AGAP1: variants seen among roughly 807,000 people sequenced by gnomAD.
AGAP1 encodes arf-GAP with GTPase, ANK repeat and PH domain-containing protein 1.
In AGAP1, 29 loss-of-function variants were observed where a neutral mutation model predicts 105.3. That is an observed-to-expected ratio of 0.28 (90% CI 0.21 to 0.38). The LOEUF (loss-of-function observed/expected upper bound fraction) is 0.38. Among genes scored for constraint, AGAP1 ranks in the 10% least tolerant of loss-of-function variants. AGAP1 has a pLI of 1.00. For missense variants in AGAP1, 998 were observed against 1,165.1 expected (o/e 0.86, Z 2.09); for synonymous variants, 509 against 485.9 (o/e 1.05, Z -0.63).
rs1415979193 is a variant in AGAP1 at position 235,874,360 on chromosome 2, T to C, written c.1051-8985T>C. On this transcript the variant is annotated intron_variant, in intron 9 of 17. Coordinates refer to ENST00000304032, the MANE Select transcript of AGAP1 (RefSeq NM_001037131.3). This position sits in a 1 kb window ranked among gnomAD's most constrained non-coding sequence, Gnocchi z 4.5. Reference sequence around the variant, plus strand: ...CACTGTGCCCGGCCCAGAACCACATTCTTGAGCTGAGCTCCCGAGGGTACC... The same window carrying C: ...CACTGTGCCCGGCCCAGAACCACATCCTTGAGCTGAGCTCCCGAGGGTACC... Among the ~76,000 whole-genome samples, 1 of 152,204 alleles carries C rather than the reference T, an allele frequency of 6.6e-6. No homozygotes were observed. The highest frequency in any genetic ancestry group is 1.5e-5 in the Non-Finnish European group (1 of 68,034).
intron 13 of AGAP1, among the ~76,000 whole-genome samples, chr2:236,004,289 T>C (rs6742512): frequency 0.99 from 150,615 of 152,220 alleles, 74,519 homozygotes; most frequent in East Asian, 1. Flanking sequence ...TGACCCAAGT[T>C]TCCAGCTTTA....
rs1184837636 is a variant in AGAP1 at position 235,506,149 on chromosome 2, T to C, written c.163+11300T>C. 3.3e-5 allele frequency among the ~76,000 whole-genome samples: 5 copies of C among 152,010 alleles called. No homozygotes were observed. In the South Asian group the frequency reaches 8.3e-4, roughly 25 times the overall value. ...TTTCACCACGTTGGCCAGGCCGGTC[T>C]CAAACTCCTGACCTCAGGTGATCTA... On this transcript the variant is annotated intron_variant, in intron 1 of 17. Transcript: ENST00000304032.
intron 1 of AGAP1, among the ~76,000 whole-genome samples, chr2:235,532,378 A>G (rs1943073199): frequency 6.6e-6 from 1 of 152,144 alleles, no homozygotes; most frequent in Non-Finnish European, 1.5e-5. Context: ...CATCACACCT[A>G]GCTAATTTTT....
intron 5 of AGAP1, among the ~76,000 whole-genome samples, chr2:235,745,048 C>T (rs1952818709): frequency 1.3e-5 from 2 of 152,004 alleles, no homozygotes; most frequent in Admixed American, 6.6e-5. Context: ...AAACAACACA[C>T]ACACACATAT....
chr2:235,637,098 CTT>C (rs955167206), intron 1 of AGAP1, among the ~76,000 whole-genome samples: 1 of 152,130 alleles, frequency 6.6e-6, no homozygotes, highest in African/African-American at 2.4e-5. Context: ...GATTGTGGCA[CTT>C]TGTTAGAGCA....
chr2:235,904,866 T>C lies in AGAP1; in HGVS notation c.1156-3872T>C, dbSNP rs981325131. 3.3e-5 allele frequency among the ~76,000 whole-genome samples: 5 copies of C among 152,242 alleles called. No homozygotes were observed. The highest frequency in any genetic ancestry group is 4.4e-5 in the Non-Finnish European group (3 of 68,038). On this transcript the variant is annotated intron_variant, in intron 10 of 17. Transcript: ENST00000304032. This position sits in a 1 kb window ranked among gnomAD's most constrained non-coding sequence, Gnocchi z 4.2. ...TATCTCCCACCTGTGTGTGAAGCGC[T>C]GAGTCGGAGGGCTTTTATTGAGTAG...
At chr2:235,812,360 T>G (rs1218829679) in intron 9 of AGAP1, among the ~76,000 whole-genome samples, 1 of 152,196 alleles carries the variant, frequency 6.6e-6, no homozygotes, top group African/African-American at 2.4e-5. Context: ...TGAACTGTTT[T>G]GAAGCTGTGC....
chr2:235,808,207 C>T (rs1345098358), intron 9 of AGAP1, among the ~76,000 whole-genome samples: 1 of 152,218 alleles, frequency 6.6e-6, no homozygotes, highest in African/African-American at 2.4e-5. Context: ...TGAGCAGAAG[C>T]CTCTGTGGGC....
chr2:235,664,898 A>AT lies in AGAP1; in HGVS notation c.164-44280dup. 6.6e-6 allele frequency among the ~76,000 whole-genome samples: 1 copy of AT among 152,268 alleles called. No homozygotes were observed. The highest frequency in any genetic ancestry group is 1.9e-4 in the East Asian group (1 of 5,168). ...AACAAGGGAGACCCACCTGTGCAAT[A>AT]TAGTGAGACCCCCATCTTTACCATA... is the stretch of plus-strand genomic sequence containing the variant. On this transcript the variant is annotated intron_variant, in intron 1 of 17. Transcript: ENST00000304032. The surrounding 1 kb of genome is among the most constrained non-coding windows in gnomAD (Gnocchi z 5.7).
In AGAP1 at chr2:235,615,123, A is replaced by C. The variant is rs1460544028; in HGVS notation, c.164-94056A>C. 1.3e-5 allele frequency among the ~76,000 whole-genome samples: 2 copies of C among 152,218 alleles called. No homozygotes were observed. The highest frequency in any genetic ancestry group is 6.5e-5 in the Admixed American group (1 of 15,286). ...GCCTGACTCCTCCGCGCAGGGAATG[A>C]GCAGCCTCTGCTCCTTCATTTGATT... On this transcript the variant is annotated intron_variant, in intron 1 of 17. Transcript: ENST00000304032. This position sits in a 1 kb window ranked among gnomAD's most constrained non-coding sequence, Gnocchi z 5.0.
intron 16 of AGAP1, among the ~76,000 whole-genome samples, chr2:236,060,406 C>T (rs1178740146): frequency 3.3e-5 from 5 of 152,046 alleles, no homozygotes; most frequent in African/African-American, 4.8e-5. Flanking sequence ...AGAACGGTTA[C>T]AGGTGGGCAT....
In AGAP1 at chr2:235,751,632, A is replaced by G. The variant is rs1210765388; in HGVS notation, c.673+1144A>G. 1.3e-5 allele frequency among the ~76,000 whole-genome samples: 2 copies of G among 152,138 alleles called. No individual in the cohort carries two copies. Among genetic ancestry groups the G allele is most frequent in the African/African-American group, 2.4e-5 (1 of 41,440 alleles). Reference sequence around the variant, plus strand: ...AGGGATTCTGTACATTCACTGTTCAACTCAGTTTCAAAGATGACATCAGTT... The same window carrying G: ...AGGGATTCTGTACATTCACTGTTCAGCTCAGTTTCAAAGATGACATCAGTT... On this transcript the variant is annotated intron_variant, in intron 6 of 17. Transcript: ENST00000304032. This position sits in a 1 kb window ranked among gnomAD's most constrained non-coding sequence, Gnocchi z 5.3.
rs145082247 is a variant in AGAP1, at chr2:236,092,994, G to T, written c.2115-27198G>T. Among the ~76,000 whole-genome samples, 160 of 152,326 alleles carry T rather than the reference G, an allele frequency of 1.1e-3. No individual in the cohort carries two copies. Among genetic ancestry groups the T allele is most frequent in the African/African-American group, 3.8e-3 (160 of 41,568 alleles). ...TTGAAGCATCTAAAAGAATAGTGTT[G>T]GTGGCAGTTTATGTGACACATTTAA... On this transcript the variant is annotated intron_variant, in intron 16 of 17. Coordinates refer to ENST00000304032, the MANE Select transcript of AGAP1 (RefSeq NM_001037131.3). This position sits in a 1 kb window ranked among gnomAD's most constrained non-coding sequence, Gnocchi z 4.7.
chr2:235,681,812 C>G (rs1025974584), intron 1 of AGAP1, among the ~76,000 whole-genome samples: 9 of 146,670 alleles, frequency 6.1e-5, no homozygotes, highest in East Asian at 5.9e-4. Context: ...GTGTGTATAC[C>G]TAAGTCCTAT....
In AGAP1 at chr2:235,664,013, G is replaced by A. The variant is rs1443915848; in HGVS notation, c.164-45166G>A. Among the ~76,000 whole-genome samples the A allele has an allele frequency of 5.9e-5, 9 of 152,138 alleles. No individual in the cohort carries two copies. The highest frequency in any genetic ancestry group is 5.2e-4 in the Admixed American group (8 of 15,270). On this transcript the variant is annotated intron_variant, in intron 1 of 17. Coordinates refer to ENST00000304032, the MANE Select transcript of AGAP1 (RefSeq NM_001037131.3). The surrounding 1 kb of genome is among the most constrained non-coding windows in gnomAD (Gnocchi z 5.7). ...GCAGTGTTGTGTGTTACCCTTGACC[G>A]CATCCCTCCTGTCCCTGAGCTCGAA...
In AGAP1 at chr2:235,550,649, A is replaced by G. The variant is rs1394345613; in HGVS notation, c.163+55800A>G. Reference sequence around the variant, plus strand: ...GGGCCCAGCAGGACTGTAGCACAGGATCAGCACCATCCACACCTGAGGCGT... The same window carrying G: ...GGGCCCAGCAGGACTGTAGCACAGGGTCAGCACCATCCACACCTGAGGCGT... On this transcript the variant is annotated intron_variant, in intron 1 of 17. Transcript: ENST00000304032. This position sits in a 1 kb window ranked among gnomAD's most constrained non-coding sequence, Gnocchi z 4.6. Among the ~76,000 whole-genome samples the G allele has an allele frequency of 6.6e-6, 1 of 152,176 alleles. No individual in the cohort carries two copies. The highest frequency in any genetic ancestry group is 1.5e-5 in the Non-Finnish European group (1 of 68,024).
intron 8 of AGAP1, among the ~76,000 whole-genome samples, chr2:235,804,763 G>A (rs952753027): frequency 4.6e-5 from 7 of 152,214 alleles, no homozygotes; most frequent in Non-Finnish European, 7.3e-5. Context: ...GTGGCTTGCT[G>A]TGCGTTGACT....
At chr2:235,833,287 A>G (rs1312363924) in intron 9 of AGAP1, among the ~76,000 whole-genome samples, 2 of 152,226 alleles carry the variant, frequency 1.3e-5, no homozygotes, top group Non-Finnish European at 1.5e-5. Flanking sequence ...CACGTGGCCA[A>G]ATGAGCAGGA....
intron 12 of AGAP1, among the ~76,000 whole-genome samples, chr2:235,932,014 C>T (rs1416661163): frequency 1.3e-5 from 2 of 152,198 alleles, no homozygotes; most frequent in East Asian, 3.9e-4. Context: ...CAAAGATCTG[C>T]CTGCAGCTTC....
Sources: gnomAD v4.1 joint callset for allele counts (sites outside exome capture counted in the v4.1 genomes callset) on GRCh38, gnomAD v4.1.1 for gene constraint, Gnocchi (gnomAD v3.1) non-coding constraint, MANE v1.5 for transcripts, NCBI Gene and HGNC (gene_info 2026-07-23, HGNC 2026-07-21) for gene names.